CDH12: variants seen among roughly 807,000 people sequenced by gnomAD.
The protein encoded by CDH12 is cadherin 12.
In CDH12, 41 loss-of-function variants were observed where a neutral mutation model predicts 74.1. That is an observed-to-expected ratio of 0.55 (90% CI 0.43 to 0.72). The LOEUF (loss-of-function observed/expected upper bound fraction) is 0.72, where lower values mean the gene tolerates loss of function less well. CDH12 is among the 30% of genes least tolerant of loss of function. CDH12 has a pLI of 0.00. For missense variants in CDH12, 945 were observed against 977.2 expected (o/e 0.97, Z 0.44); for synonymous variants, 399 against 355.0 (o/e 1.12, Z -1.39).
intron 1 of CDH12, among the ~76,000 whole-genome samples, chr5:22,659,192 A>G (rs114558786): frequency 0.011 from 1,624 of 152,178 alleles, 22 homozygotes; most frequent in African/African-American, 0.037. Context: ...TTTTAATTAT[A>G]TTGTTTGAAG....
intron 2 of CDH12, among the ~76,000 whole-genome samples, chr5:22,448,650 C>T (rs973149287): frequency 2.0e-5 from 3 of 151,954 alleles, no homozygotes; most frequent in African/African-American, 7.2e-5. Context: ...AATGAGGTGG[C>T]ACTGATAAGT....
At chr5:22,680,606 G>A (rs916757892) in intron 1 of CDH12, among the ~76,000 whole-genome samples, 28 of 151,944 alleles carry the variant, frequency 1.8e-4, no homozygotes, top group African/African-American at 6.0e-4. Context: ...TGTAATAACC[G>A]TAGCTGAACC....
At chr5:22,385,497 T>A (rs939387822) in intron 3 of CDH12, among the ~76,000 whole-genome samples, 18 of 152,232 alleles carry the variant, frequency 1.2e-4, no homozygotes, top group African/African-American at 4.1e-4. Context: ...TTTTGAGATG[T>A]AAATATTTTC....
intron 1 of CDH12, among the ~76,000 whole-genome samples, chr5:22,637,790 G>A (rs147627254): frequency 1.0e-3 from 152 of 152,162 alleles, no homozygotes; most frequent in African/African-American, 3.4e-3. Flanking sequence ...ATTCCTCTTT[G>A]GTCAGTTACT....
At chr5:22,376,315 G>C (rs938196766) in intron 3 of CDH12, among the ~76,000 whole-genome samples, 1 of 151,960 alleles carries the variant, frequency 6.6e-6, no homozygotes, top group African/African-American at 2.4e-5. Flanking sequence ...GTCTGGGAGG[G>C]AGGATAAAGA....
chr5:22,169,100 ATGTC>A (rs1177809613), intron 4 of CDH12, among the ~76,000 whole-genome samples: 10 of 151,348 alleles, frequency 6.6e-5, no homozygotes, highest in African/African-American at 2.2e-4. Context: ...CCTCCTGTCT[ATGTC>A]TGTCTTCCTG....
At chr5:21,789,047 C>A (rs1445298832) in intron 10 of CDH12, among the ~76,000 whole-genome samples, 2 of 151,116 alleles carry the variant, frequency 1.3e-5, no homozygotes, top group Admixed American at 6.6e-5. Context: ...AATTTATTTT[C>A]TTAATATCTG....
intron 3 of CDH12, among the ~76,000 whole-genome samples, chr5:22,300,680 G>T (rs908791135): frequency 2.0e-5 from 3 of 152,180 alleles, no homozygotes. Flanking sequence ...TTTCTCAAAT[G>T]TATGAATGCA....
At chr5:22,504,791 A>G (rs1275717331) in intron 2 of CDH12, among the ~76,000 whole-genome samples, 1 of 152,082 alleles carries the variant, frequency 6.6e-6, no homozygotes, top group Admixed American at 6.6e-5. Flanking sequence ...GAGAAAATTT[A>G]TGACTTTATC....
At chr5:22,435,030 T>A (rs890233396) in intron 2 of CDH12, among the ~76,000 whole-genome samples, 7 of 152,134 alleles carry the variant, frequency 4.6e-5, no homozygotes, top group Non-Finnish European at 5.9e-5. Flanking sequence ...GAGTGTTAGC[T>A]TGATTGGATT....
At chr5:21,758,073 C>T (rs1379895212) in intron 13 of CDH12, among the ~76,000 whole-genome samples, 1 of 152,146 alleles carries the variant, frequency 6.6e-6, no homozygotes, top group Non-Finnish European at 1.5e-5. Flanking sequence ...CTTTCAAAGA[C>T]TACTAACATT....
chr5:21,849,392 C>T (rs1277994004), intron 7 of CDH12, among the ~76,000 whole-genome samples: 1 of 151,780 alleles, frequency 6.6e-6, no homozygotes, highest in African/African-American at 2.4e-5. Flanking sequence ...ATGCAGAATA[C>T]AAGAAAATGA....
At chr5:22,334,212 C>A (rs1331379019) in intron 3 of CDH12, among the ~76,000 whole-genome samples, 2 of 150,302 alleles carry the variant, frequency 1.3e-5, no homozygotes, top group African/African-American at 5.0e-5. Context: ...AGTAAGCAAT[C>A]TAAAAAAAAG....
chr5:22,338,384 C>A (rs913013992), intron 3 of CDH12, among the ~76,000 whole-genome samples: 1 of 151,536 alleles, frequency 6.6e-6, no homozygotes, highest in Non-Finnish European at 1.5e-5. Context: ...ACGATTGAAC[C>A]CATGGAGAAA....
chr5:22,285,463 T>C (rs193091349), intron 3 of CDH12, among the ~76,000 whole-genome samples: 1 of 152,160 alleles, frequency 6.6e-6, no homozygotes, highest in Non-Finnish European at 1.5e-5. Context: ...TGATTCAGCA[T>C]TTAAAAATGC....
chr5:22,158,930 ATAATAGC>A (rs913400328), intron 4 of CDH12, among the ~76,000 whole-genome samples: 8 of 152,150 alleles, frequency 5.3e-5, no homozygotes, highest in Non-Finnish European at 1.0e-4. Context: ...GTGACTCTTC[ATAATAGC>A]TTTGCATTAT....
At chr5:22,254,928 C>A (rs1336020584) in intron 3 of CDH12, among the ~76,000 whole-genome samples, 1 of 151,852 alleles carries the variant, frequency 6.6e-6, no homozygotes, top group African/African-American at 2.4e-5. Flanking sequence ...TTGAAATATA[C>A]TGTAAATAAT....
At chr5:22,384,882 T>G (rs1284018677) in intron 3 of CDH12, among the ~76,000 whole-genome samples, 1 of 152,230 alleles carries the variant, frequency 6.6e-6, no homozygotes, top group Non-Finnish European at 1.5e-5. Flanking sequence ...GTCCGATTTC[T>G]AATGATTTTA....
At chr5:21,899,158 A>G (rs1753267422) in intron 6 of CDH12, among the ~76,000 whole-genome samples, 2 of 152,204 alleles carry the variant, frequency 1.3e-5, no homozygotes, top group Non-Finnish European at 2.9e-5. Context: ...CCATGGAGTT[A>G]TCTGTGATCT....
Sources: gnomAD v4.1 joint callset for allele counts (sites outside exome capture counted in the v4.1 genomes callset) on GRCh38, gnomAD v4.1.1 for gene constraint, MANE v1.5 for transcripts, NCBI Gene and HGNC (gene_info 2026-07-23, HGNC 2026-07-21) for gene names.